Variants in SMOC2 observed in about 807,000 individuals in gnomAD.
SMOC2 encodes the protein SPARC related modular calcium binding 2.
Under a neutral mutation model 61.4 loss-of-function variants are expected in SMOC2, and 39 were observed. The observed-to-expected ratio is 0.64, with a 90% CI of 0.49 to 0.83. The LOEUF (loss-of-function observed/expected upper bound fraction) is 0.83, where lower values mean the gene tolerates loss of function less well. Ranked by LOEUF, SMOC2 falls within the 40% of genes least tolerant of loss-of-function variation. The pLI is 0.00. For missense variants in SMOC2, 556 were observed against 592.9 expected (o/e 0.94, Z 0.65); for synonymous variants, 247 against 239.9 (o/e 1.03, Z -0.27).
At chr6:168,514,398 A>G (rs550577523) in intron 2 of SMOC2, among the ~76,000 whole-genome samples, 71 of 152,346 alleles carry the variant, frequency 4.7e-4, no homozygotes, top group South Asian at 3.3e-3. Flanking sequence ...CGTGATTTCC[A>G]GCATGCTTCA....
intron 1 of SMOC2, among the ~76,000 whole-genome samples, chr6:168,459,590 G>T (rs1463663744): frequency 4.9e-5 from 7 of 143,852 alleles, no homozygotes; most frequent in African/African-American, 1.5e-4. Flanking sequence ...ATGAGCCCTG[G>T]GGTGGGTGAG....
chr6:168,585,753 A>G (rs1369830442), intron 7 of SMOC2, among the ~76,000 whole-genome samples: 1 of 152,244 alleles, frequency 6.6e-6, no homozygotes, highest in Non-Finnish European at 1.5e-5. Context: ...ATGATGACGG[A>G]TGATGTTGGA....
chr6:168,545,258 T>TAA (rs11385979), intron 5 of SMOC2, among the ~76,000 whole-genome samples: 474 of 145,458 alleles, frequency 3.3e-3, no homozygotes, highest in African/African-American at 0.01. Context: ...GTACCCACTG[T>TAA]AAAAAAAAAA....
intron 9 of SMOC2, among the ~76,000 whole-genome samples, chr6:168,640,191 T>C (rs563336827): frequency 4.8e-5 from 7 of 146,174 alleles, no homozygotes; most frequent in African/African-American, 1.9e-4. Context: ...GTGTTGGTGT[T>C]GGTGTTGGTG....
chr6:168,569,550 C>T (rs1784619077), intron 7 of SMOC2, among the ~76,000 whole-genome samples: 1 of 152,192 alleles, frequency 6.6e-6, no homozygotes, highest in Non-Finnish European at 1.5e-5. Flanking sequence ...AAGCCATCAT[C>T]CTGCCTCAGC....
intron 4 of SMOC2, 72 bp downstream of exon 4, chr6:168,527,799 C>T: frequency 9.8e-7 from 1 of 1,024,802 alleles, no homozygotes; most frequent in South Asian, 1.4e-5. Context: ...CATCATCTTC[C>T]CTGGGTTTAC....
At chr6:168,468,638 G>A (rs962852137) in intron 1 of SMOC2, among the ~76,000 whole-genome samples, 17 of 152,190 alleles carry the variant, frequency 1.1e-4, no homozygotes, top group African/African-American at 2.4e-4. Flanking sequence ...GGGTTCAAGC[G>A]ATTCTCGTGC....
chr6:168,607,869 T>TCCAACCCTGCAACGGG, intron 8 of SMOC2, among the ~76,000 whole-genome samples: 1 of 56,680 alleles, frequency 1.8e-5, no homozygotes, highest in Non-Finnish European at 3.9e-5. Flanking sequence ...TGTGGGTGCT[T>TCCAACCCTGCAACGGG]GGCAGCTGCT....
chr6:168,516,840 G>C (rs1040324824), intron 2 of SMOC2, among the ~76,000 whole-genome samples: 1 of 152,202 alleles, frequency 6.6e-6, no homozygotes, highest in Non-Finnish European at 1.5e-5. Flanking sequence ...TGTAATTCCA[G>C]CTACTCAGGA....
intron 7 of SMOC2, among the ~76,000 whole-genome samples, chr6:168,595,179 C>CTTGGG (rs1332659782): frequency 7.3e-6 from 1 of 136,918 alleles, no homozygotes; most frequent in African/African-American, 2.8e-5. Flanking sequence ...GCTCCTCCTC[C>CTTGGG]TTCCTGAGGC....
intron 7 of SMOC2, among the ~76,000 whole-genome samples, chr6:168,568,354 CAG>C (rs1373790465): frequency 1.3e-5 from 2 of 152,224 alleles, no homozygotes; most frequent in Non-Finnish European, 1.5e-5. Context: ...GCAGAAAGCG[CAG>C]AGTTTCCAGG....
chr6:168,631,887 C>T (rs1786579655), intron 9 of SMOC2, among the ~76,000 whole-genome samples: 1 of 152,172 alleles, frequency 6.6e-6, no homozygotes, highest in Admixed American at 6.5e-5. Context: ...TTCCTGCACA[C>T]AGCGGCTGAA....
At chr6:168,527,538 C>T in intron 3 of SMOC2, 90 bp from the exon 4 acceptor site, 1 of 895,128 alleles carries the variant, frequency 1.1e-6, no homozygotes, top group Non-Finnish European at 1.8e-6. Context: ...CTGTCTGAGC[C>T]ACTGCCGCAG....
intron 11 of SMOC2, among the ~76,000 whole-genome samples, chr6:168,663,669 C>T (rs1044333348): frequency 3.3e-5 from 5 of 152,244 alleles, no homozygotes; most frequent in Admixed American, 6.5e-5. Flanking sequence ...GTTAGCTCTT[C>T]TGTGGATTCA....
At chr6:168,567,896 C>A (rs1583117067) in intron 7 of SMOC2, among the ~76,000 whole-genome samples, 1 of 150,836 alleles carries the variant, frequency 6.6e-6, no homozygotes, top group Non-Finnish European at 1.5e-5. Context: ...AGATGAGCAA[C>A]TACAGGCAAA....
chr6:168,495,728 T>G (rs1782572450), intron 1 of SMOC2, among the ~76,000 whole-genome samples: 1 of 152,130 alleles, frequency 6.6e-6, no homozygotes, highest in Non-Finnish European at 1.5e-5. Context: ...GTCACAGGGC[T>G]CTGCTAGCTC....
intron 2 of SMOC2, among the ~76,000 whole-genome samples, chr6:168,519,375 A>G (rs997166455): frequency 2.0e-5 from 3 of 152,164 alleles, no homozygotes; most frequent in African/African-American, 7.2e-5. Flanking sequence ...CTTCCAGCAG[A>G]CACAGTTATC....
intron 1 of SMOC2, among the ~76,000 whole-genome samples, chr6:168,476,701 A>G (rs1297777892): frequency 6.6e-6 from 1 of 152,078 alleles, no homozygotes; most frequent in Non-Finnish European, 1.5e-5. Flanking sequence ...GTCGACATTT[A>G]ATTTTAAAAT....
chr6:168,658,420 T>C (rs1351673185), intron 11 of SMOC2, among the ~76,000 whole-genome samples: 1 of 103,130 alleles, frequency 9.7e-6, no homozygotes, highest in South Asian at 3.0e-4. Context: ...TTTAATCTTC[T>C]TCCATTCCTG....
Sources: gnomAD v4.1 joint callset for allele counts (sites outside exome capture counted in the v4.1 genomes callset) on GRCh38, gnomAD v4.1.1 for gene constraint, MANE v1.5 for transcripts, NCBI Gene and HGNC (gene_info 2026-07-23, HGNC 2026-07-21) for gene names.